Variants in HIP1R observed in about 807,000 individuals in gnomAD.
The protein encoded by HIP1R is huntingtin interacting protein 1 related, also known as huntingtin-interacting protein 1-related protein.
HIP1R carries 135 observed loss-of-function variants against 144.2 expected under a neutral mutation model. That is an observed-to-expected ratio of 0.94 (90% CI 0.81 to 1.08). The LOEUF is 1.08. Among genes scored for constraint, HIP1R ranks in the 50% least tolerant of loss-of-function variants. HIP1R has a pLI of 0.00. For missense variants in HIP1R, 1,462 were observed against 1,432.8 expected (o/e 1.02, Z -0.33); for synonymous variants, 698 against 612.8 (o/e 1.14, Z -2.05).
In HIP1R at chr12:122,854,085, C is replaced by T. The variant is rs1211225848; in HGVS notation, c.620C>T (p.Ser207Phe). Reference sequence around the variant, plus strand: ...ACGGCCATCGCCGTATCCCAGATGTCCTCAGGCCAGTGCCGCCTGGCCCCC... The same window carrying T: ...ACGGCCATCGCCGTATCCCAGATGTTCTCAGGCCAGTGCCGCCTGGCCCCC... Reference protein sequence around the residue: ...LNTAIAVSQMSSGQCRLAPLI... With the variant: ...LNTAIAVSQMFSGQCRLAPLI... The change falls in exon 8 of 32, where the codon TCC becomes TTC. Residue 207 changes from serine to phenylalanine, a missense_variant. Physicochemically the swap from Ser to Phe is radical, Grantham distance 155 (BLOSUM62 -2). Coordinates refer to ENST00000253083, the MANE Select transcript of HIP1R (RefSeq NM_003959.3). The T allele has an allele frequency of 6.2e-7, 1 of 1,613,810 alleles. No individual in the cohort carries two copies. Among genetic ancestry groups the T allele is most frequent in the African/African-American group, 1.3e-5 (1 of 74,926 alleles).
In HIP1R at chr12:122,862,382, A is replaced by T. The variant is rs549852055; in HGVS notation, c.*629A>T. 6.6e-5 allele frequency: 10 copies of T among 152,506 alleles called. No homozygotes were observed. The East Asian group carries it at 1.9e-3, about 29-fold the overall frequency. The allele number at this position is 152,506 out of a possible 1,614,324, so 9.4% of individuals were successfully genotyped here. A position where few individuals can be genotyped will look rare whatever the true frequency, so the allele number is the denominator to read the frequency against. ...CCCCCCAGGAGGGGTCAGATGCTGG[A>T]AGGGGCCGCTTTCTGGGGAGTGAGG... On this transcript the variant is annotated 3_prime_UTR_variant, in exon 32 of 32. Transcript: ENST00000253083.
intron 6 of HIP1R, among the ~76,000 whole-genome samples, 155 bp downstream of exon 6, chr12:122,851,066 A>G (rs1404381636): frequency 6.6e-6 from 1 of 152,102 alleles, no homozygotes; most frequent in African/African-American, 2.4e-5. Flanking sequence ...CAGAGGGTGA[A>G]GTTAAAAGGG....
chr12:122,842,586 C>T (rs2033087081), intron 1 of HIP1R, among the ~76,000 whole-genome samples: 1 of 152,176 alleles, frequency 6.6e-6, no homozygotes, highest in Non-Finnish European at 1.5e-5. Flanking sequence ...GATCGGTGGA[C>T]AGACAACTCC....
At chr12:122,860,879 G>A in intron 28 of HIP1R, 37 bp from the exon 29 acceptor site, 1 of 1,600,276 alleles carries the variant, frequency 6.2e-7, no homozygotes, top group African/African-American at 1.3e-5. Flanking sequence ...GCCCTGAGCT[G>A]GGAGACCTGG....
chr12:122,835,686 G>GGCGGGCAA (rs1201551237), intron 1 of HIP1R, 43 bp downstream of exon 1: 17 of 1,091,526 alleles, frequency 1.6e-5, no homozygotes, highest in Non-Finnish European at 1.9e-5. Flanking sequence ...GCGGCGGGCG[G>GGCGGGCAA]GCGGGCAAGC....
chr12:122,861,503 C>T lies in HIP1R; in HGVS notation c.3148C>T (p.Gln1050Ter), dbSNP rs1451349300. ...LAQKPSVAPR[Q>*]DHQLDKKDGI... ...CCAGAAGCCCAGCGTGGCCCCCAGA[C>T]AGGACCACCAGGTGCCGTCTGCACT... Residue 1050 changes from glutamine (Q) to a stop codon, truncating the protein, a stop_gained, in exon 31 of 32, where the codon CAG becomes TAG. Coordinates refer to ENST00000253083, the MANE Select transcript of HIP1R (RefSeq NM_003959.3). LOFTEE classifies it high-confidence loss of function. 1 of 1,610,862 alleles carries T rather than the reference C, an allele frequency of 6.2e-7. No individual in the cohort carries two copies.
At chr12:122,855,185 C>T in intron 10 of HIP1R, 57 bp downstream of exon 10, 3 of 1,610,276 alleles carry the variant, frequency 1.9e-6, no homozygotes, top group Non-Finnish European at 2.5e-6. Context: ...CCTGGCTGGG[C>T]CCCACACAGG....
At chr12:122,855,747 C>G (rs1470238252) in intron 12 of HIP1R, 84 bp from the exon 13 acceptor site, 1 of 1,512,468 alleles carries the variant, frequency 6.6e-7, no homozygotes, top group African/African-American at 1.4e-5. Context: ...CCTGAGTGGC[C>G]ACTGAGGAGG....
At chr12:122,849,517 C>T (rs1166900985) in intron 4 of HIP1R, among the ~76,000 whole-genome samples, 1 of 152,258 alleles carries the variant, frequency 6.6e-6, no homozygotes, top group Non-Finnish European at 1.5e-5. Flanking sequence ...GCAGGCCCAG[C>T]TGGCCCGGCC....
At chr12:122,855,191 A>G (rs758416618) in intron 10 of HIP1R, 63 bp downstream of exon 10, 4 of 1,611,158 alleles carry the variant, frequency 2.5e-6, no homozygotes, top group Non-Finnish European at 3.4e-6. Context: ...TGGGCCCCAC[A>G]CAGGCTATGG....
At position 122,835,609 on chromosome 12, in the gene HIP1R, T is replaced by C; in HGVS notation, c.59T>C (p.Leu20Pro). 1 of 1,280,772 alleles carries C rather than the reference T, an allele frequency of 7.8e-7. No individual in the cohort carries two copies. The allele number at this position is 1,280,772 out of a possible 1,614,324, so 79.3% of individuals were successfully genotyped here. ...RVLSRRPGHSLEAEREQFDKT... is the reference protein window; with the variant it reads ...RVLSRRPGHSPEAEREQFDKT... ...CTGAGCCGCAGGCCGGGCCACAGCC[T>C]GGAGGCCGAGCGCGAGCAGTTCGAC... Residue 20 changes from leucine to proline, a missense_variant, in exon 1 of 32, where the codon CTG (leucine) becomes CCG (proline). By Grantham distance (98) the Leu-to-Pro change is moderately conservative (BLOSUM62 -3). Transcript: ENST00000253083.
chr12:122,860,569 G>A (rs1379676766), intron 27 of HIP1R, 46 bp downstream of exon 27: 1 of 1,581,556 alleles, frequency 6.3e-7, no homozygotes, highest in Non-Finnish European at 8.7e-7. Context: ...CTTCCTGCCA[G>A]TTGGAGCAGT....
At chr12:122,859,969 T>C in intron 24 of HIP1R, 78 bp from the exon 25 acceptor site, 1 of 1,489,580 alleles carries the variant, frequency 6.7e-7, no homozygotes. Flanking sequence ...TGCTGAGCCC[T>C]GATGTGGCCA....
rs374440993 is a variant in HIP1R, at chr12:122,855,126, G to A, written c.850G>A (p.Glu284Lys). The A allele has an allele frequency of 2.9e-5, 47 of 1,613,404 alleles. No homozygotes were observed. The Admixed American group carries it at 4.2e-4, about 14-fold the overall frequency. The change falls in exon 10 of 32, where the codon GAG (glutamate) becomes AAG (lysine). Residue 284 changes from glutamate (E) to lysine (K), a missense_variant and splice_region_variant. Transcript: ENST00000253083. ...GCTCATCCAGATCCCCCGGCTGCCC[G>A]AGGTACCACCCCCAAGAGGGCCCCG... is the stretch of plus-strand genomic sequence containing the variant. Reference protein sequence around the residue: ...KRLIQIPRLPEGPPNFLRASA... With the variant: ...KRLIQIPRLPKGPPNFLRASA...
At chr12:122,860,619 A>G (rs2033740489) in intron 27 of HIP1R, 60 bp from the exon 28 acceptor site, 2 of 1,561,636 alleles carry the variant, frequency 1.3e-6, no homozygotes, top group Non-Finnish European at 1.8e-6. Context: ...GGGGGTGTGG[A>G]GTGGTGCCAG....
chr12:122,844,790 G>C (rs58318955), intron 1 of HIP1R, among the ~76,000 whole-genome samples: 10,834 of 152,196 alleles, frequency 0.071, 1,254 homozygotes, highest in African/African-American at 0.24. Context: ...CTCCTCAAAG[G>C]CTGCGCTGCC....
chr12:122,845,923 C>G (rs1450081845), intron 1 of HIP1R, among the ~76,000 whole-genome samples: 3 of 152,178 alleles, frequency 2.0e-5, no homozygotes, highest in African/African-American at 7.2e-5. Context: ...TTCTCTGCTT[C>G]TAGGGTCCCT....
In HIP1R at chr12:122,848,099, C is replaced by T; in HGVS notation, c.157+5C>T. ...TGAAGGAGAAGCACGCCCGGCGTAT[C>T]CTTGGCCGGCTCTTGGACCCAGGAG... On this transcript the variant is annotated splice_donor_5th_base_variant and intron_variant, in intron 2 of 31. Transcript: ENST00000253083. 1.2e-6 allele frequency: 2 copies of T among 1,613,296 alleles called. No homozygotes were observed. Among genetic ancestry groups the T allele is most frequent in the Middle Eastern group, 1.7e-4 (1 of 6,060 alleles).
chr12:122,843,358 G>C (rs1343803243), intron 1 of HIP1R, among the ~76,000 whole-genome samples: 1 of 152,180 alleles, frequency 6.6e-6, no homozygotes, highest in Non-Finnish European at 1.5e-5. Context: ...TTGCCCACCT[G>C]CTCCGAGGTT....
Sources: allele counts gnomAD v4.1 joint callset (sites outside exome capture counted in the v4.1 genomes callset), GRCh38; gene constraint gnomAD v4.1.1; transcripts MANE v1.5; gene names NCBI Gene and HGNC (gene_info 2026-07-23, HGNC 2026-07-21).